The following LRRC4C variants were observed in gnomAD, a reference collection of about 807,000 sequenced individuals.
LRRC4C encodes leucine rich repeat containing 4C, also known as leucine-rich repeat-containing protein 4C.
In LRRC4C, 5 loss-of-function variants were observed where a neutral mutation model predicts 33.6. That is an observed-to-expected ratio of 0.15 (90% CI 0.08 to 0.31). The LOEUF is 0.31. LRRC4C is among the 10% of genes least tolerant of loss of function. The probability of loss-of-function intolerance (pLI) is 1.00; values close to 1 mark genes in which losing one functional copy is unlikely to be tolerated. For synonymous variants in LRRC4C, 329 were observed against 302.0 expected, an observed-to-expected ratio of 1.09 and a Z score of -0.93; for missense variants, 560 against 796.7, an observed-to-expected ratio of 0.70 and a Z score of 3.58.
intron 4 of LRRC4C, among the ~76,000 whole-genome samples, chr11:40,258,726 A>G (rs1368422482): frequency 6.6e-6 from 1 of 152,198 alleles, no homozygotes; most frequent in East Asian, 1.9e-4. Flanking sequence ...AGAAGGAGAG[A>G]AAAACTCTGG....
chr11:40,437,493 C>T (rs2137920107), intron 3 of LRRC4C, among the ~76,000 whole-genome samples: 1 of 151,018 alleles, frequency 6.6e-6, no homozygotes, highest in Middle Eastern at 3.4e-3. Flanking sequence ...CGCCATGTTC[C>T]AGCGATTTTC....
At chr11:40,526,350 C>T (rs1240966179) in intron 3 of LRRC4C, among the ~76,000 whole-genome samples, 1 of 151,950 alleles carries the variant, frequency 6.6e-6, no homozygotes, top group Non-Finnish European at 1.5e-5. Context: ...TACTCACAAC[C>T]AGCATACATT....
chr11:41,091,584 T>A (rs1354420468), intron 1 of LRRC4C, among the ~76,000 whole-genome samples: 1 of 152,084 alleles, frequency 6.6e-6, no homozygotes, highest in Non-Finnish European at 1.5e-5. Context: ...ACAGATCCCA[T>A]GTTATTCTCA....
chr11:40,169,560 T>C (rs1859873269), intron 5 of LRRC4C, among the ~76,000 whole-genome samples: 1 of 152,208 alleles, frequency 6.6e-6, no homozygotes, highest in South Asian at 2.1e-4. Context: ...AGTACAACTA[T>C]ATATATGCAC....
chr11:40,808,883 T>C (rs1276267602), intron 2 of LRRC4C, among the ~76,000 whole-genome samples: 3 of 152,178 alleles, frequency 2.0e-5, no homozygotes, highest in African/African-American at 4.8e-5. Context: ...TATTCTACCT[T>C]TCTTCCTGTG....
chr11:40,572,431 C>T (rs912074036), intron 3 of LRRC4C, among the ~76,000 whole-genome samples: 5 of 152,056 alleles, frequency 3.3e-5, no homozygotes, highest in African/African-American at 9.7e-5. Context: ...AAGAGCTCAT[C>T]GATGAGTACA....
At chr11:40,396,526 A>T (rs1037046762) in intron 3 of LRRC4C, among the ~76,000 whole-genome samples, 1 of 152,116 alleles carries the variant, frequency 6.6e-6, no homozygotes, top group Non-Finnish European at 1.5e-5. Flanking sequence ...GATAAGAGAG[A>T]GTGATGGAGA....
At chr11:41,305,228 G>C (rs1368300728) in intron 1 of LRRC4C, among the ~76,000 whole-genome samples, 1 of 52,612 alleles carries the variant, frequency 1.9e-5, no homozygotes. Context: ...GGAGGGAGGT[G>C]GGGGGGTCAG....
At chr11:40,144,671 A>C (rs184264520) in intron 5 of LRRC4C, among the ~76,000 whole-genome samples, 7 of 152,328 alleles carry the variant, frequency 4.6e-5, no homozygotes, top group Admixed American at 3.9e-4. Flanking sequence ...AGGAAGGCGA[A>C]TGAGATTATA....
At chr11:40,355,701 G>C (rs1373193106) in intron 3 of LRRC4C, among the ~76,000 whole-genome samples, 1 of 152,122 alleles carries the variant, frequency 6.6e-6, no homozygotes, top group South Asian at 2.1e-4. Flanking sequence ...GGATGGTGGA[G>C]GGGTGGTATA....
chr11:40,777,686 A>AT (rs573224037), intron 2 of LRRC4C, among the ~76,000 whole-genome samples: 12 of 149,192 alleles, frequency 8.0e-5, no homozygotes, highest in African/African-American at 2.0e-4. Context: ...TTGATTTTTT[A>AT]TTTTTTTTAT....
At chr11:40,585,693 A>G (rs1198971838) in intron 3 of LRRC4C, among the ~76,000 whole-genome samples, 2 of 137,408 alleles carry the variant, frequency 1.5e-5, no homozygotes, top group South Asian at 2.5e-4. Context: ...TCATTGTTCA[A>G]TTCCCACCTA....
At chr11:40,845,614 T>C (rs1424076578) in intron 2 of LRRC4C, among the ~76,000 whole-genome samples, 1 of 152,210 alleles carries the variant, frequency 6.6e-6, no homozygotes, top group Non-Finnish European at 1.5e-5. Context: ...AAGTCTTTGC[T>C]GTTGTAAATA....
chr11:40,849,483 G>T (rs765789144), intron 2 of LRRC4C, among the ~76,000 whole-genome samples: 2 of 152,142 alleles, frequency 1.3e-5, no homozygotes, highest in Non-Finnish European at 2.9e-5. Flanking sequence ...CTCTCTTCTG[G>T]CTTGCAGGGT....
chr11:41,333,484 C>T (rs983608982), intron 1 of LRRC4C, among the ~76,000 whole-genome samples: 1 of 152,106 alleles, frequency 6.6e-6, no homozygotes, highest in Admixed American at 6.6e-5. Context: ...CAAGACCAGA[C>T]ATTCATTTAT....
At chr11:40,824,169 G>A in intron 2 of LRRC4C, among the ~76,000 whole-genome samples, 1 of 151,776 alleles carries the variant, frequency 6.6e-6, no homozygotes, top group African/African-American at 2.4e-5. Flanking sequence ...CAAAAGGGAT[G>A]AGGGAAATTT....
intron 2 of LRRC4C, among the ~76,000 whole-genome samples, chr11:40,852,958 G>A (rs1953586789): frequency 6.6e-6 from 1 of 152,166 alleles, no homozygotes; most frequent in African/African-American, 2.4e-5. Flanking sequence ...AATAAGAGCT[G>A]ATATGATCTA....
intron 3 of LRRC4C, among the ~76,000 whole-genome samples, chr11:40,518,712 A>G (rs530576845): frequency 7.7e-4 from 118 of 152,330 alleles, no homozygotes; most frequent in Non-Finnish European, 1.2e-3. Context: ...AGGATCTAGA[A>G]CTAGAAATAT....
chr11:40,215,681 A>G (rs945870557), intron 5 of LRRC4C, among the ~76,000 whole-genome samples: 1 of 152,190 alleles, frequency 6.6e-6, no homozygotes, highest in Non-Finnish European at 1.5e-5. Context: ...TGCTGGGTCC[A>G]AGAAAGAAAT....
Sources: gnomAD v4.1 joint callset for allele counts (sites outside exome capture counted in the v4.1 genomes callset) on GRCh38, gnomAD v4.1.1 for gene constraint, MANE v1.5 for transcripts, NCBI Gene and HGNC (gene_info 2026-07-23, HGNC 2026-07-21) for gene names.